Variants in ANP32B observed in about 807,000 individuals in gnomAD.
The protein encoded by ANP32B is acidic leucine-rich nuclear phosphoprotein 32 family member B.
Under a neutral mutation model 32.2 loss-of-function variants are expected in ANP32B, and 6 were observed. The observed-to-expected ratio is 0.19, with a 90% CI of 0.10 to 0.37. ANP32B has a LOEUF of 0.37. Among genes scored for constraint, ANP32B ranks in the 10% least tolerant of loss-of-function variants. ANP32B has a pLI of 1.00. For missense variants in ANP32B, 204 were observed against 289.2 expected (o/e 0.71, Z 2.14); for synonymous variants, 98 against 105.8 (o/e 0.93, Z 0.45).
intron 6 of ANP32B, among the ~76,000 whole-genome samples, chr9:98,013,409 C>A (rs1385553924): frequency 1.3e-5 from 2 of 152,022 alleles, no homozygotes; most frequent in African/African-American, 4.8e-5. Context: ...GGAGTTCTTT[C>A]ATTTTTTAAA....
At chr9:98,003,189 T>C (rs1437315071) in intron 3 of ANP32B, among the ~76,000 whole-genome samples, 2 of 152,178 alleles carry the variant, frequency 1.3e-5, no homozygotes, top group African/African-American at 4.8e-5. Flanking sequence ...TATAAGCACA[T>C]TGTTTGATCC....
chr9:97,987,276 C>T (rs894212439), intron 1 of ANP32B, among the ~76,000 whole-genome samples: 1 of 152,098 alleles, frequency 6.6e-6, no homozygotes, highest in African/African-American at 2.4e-5. Context: ...AAGTAATCTT[C>T]ATGAAGAATG....
At chr9:97,987,798 C>A (rs1170707459) in intron 1 of ANP32B, 1 of 152,184 alleles carries the variant, frequency 6.6e-6, no homozygotes, top group African/African-American at 2.4e-5. Context: ...TTGTCTTTAA[C>A]TTCCATCTTT....
intron 3 of ANP32B, among the ~76,000 whole-genome samples, chr9:98,004,365 G>A (rs573590049): frequency 2.6e-5 from 4 of 152,192 alleles, no homozygotes; most frequent in Admixed American, 1.3e-4. Context: ...CCGTATTTCC[G>A]AAGTTTCAAC....
At chr9:97,998,830 C>G in intron 3 of ANP32B, 152 bp downstream of exon 3, 1 of 150,700 alleles carries the variant, frequency 6.6e-6, no homozygotes, top group Non-Finnish European at 9.7e-6. Flanking sequence ...TTTTTTGAGA[C>G]GGAGTCTCGC....
intron 3 of ANP32B, among the ~76,000 whole-genome samples, chr9:97,999,260 C>A (rs1339319049): frequency 6.6e-6 from 1 of 152,110 alleles, no homozygotes; most frequent in Non-Finnish European, 1.5e-5. Context: ...TGTTTTGGAT[C>A]CACTTTTGAA....
intron 1 of ANP32B, among the ~76,000 whole-genome samples, chr9:97,990,733 C>T (rs1177037606): frequency 1.3e-5 from 2 of 151,444 alleles, no homozygotes; most frequent in Non-Finnish European, 2.9e-5. Context: ...AGCCATCTCT[C>T]TTGAAGGAGC....
Position 98,011,353 on chromosome 9 carries a change from AGAAGG to A in ANP32B, c.602_606del (p.Glu201GlyfsTer2). On this transcript the variant is annotated frameshift_variant, in exon 5 of 7. Transcript: ENST00000339399. LOFTEE classifies it high-confidence loss of function. The stretch of plus-strand genomic sequence containing the variant: ...AAGAAGATGATGAAGATGAAGATGT[AGAAGG>A]GGATGAGGACGACGATGAAGTCAGT... 6.4e-7 allele frequency: 1 copy of A among 1,561,538 alleles called. No individual in the cohort carries two copies. Among genetic ancestry groups the A allele is most frequent in the Non-Finnish European group, 8.7e-7 (1 of 1,148,368 alleles).
At chr9:97,985,086 C>T (rs1008256263) in intron 1 of ANP32B, among the ~76,000 whole-genome samples, 2 of 149,984 alleles carry the variant, frequency 1.3e-5, no homozygotes, top group Non-Finnish European at 3.0e-5. Flanking sequence ...CGCCGCGGAC[C>T]GGCGCGGGCC....
At chr9:98,014,838 C>T (rs545269189) in intron 6 of ANP32B, among the ~76,000 whole-genome samples, 19 of 152,312 alleles carry the variant, frequency 1.2e-4, no homozygotes, top group African/African-American at 3.8e-4. Flanking sequence ...CTGCAACCTC[C>T]GCCTTCCGGA....
chr9:97,983,700 C>T (rs142856859), intron 1 of ANP32B, 91 bp downstream of exon 1: 19,429 of 1,108,888 alleles, frequency 0.018, 206 homozygotes, highest in Non-Finnish European at 0.022. Flanking sequence ...GTTCGCCGGC[C>T]CCGGCGCGGG....
At chr9:97,994,874 G>A in intron 2 of ANP32B, 94 bp downstream of exon 2, 1 of 1,275,584 alleles carries the variant, frequency 7.8e-7, no homozygotes, top group Non-Finnish European at 1.1e-6. Flanking sequence ...GTAGCAGAAA[G>A]CACATGGCCT....
intron 3 of ANP32B, among the ~76,000 whole-genome samples, chr9:98,000,929 A>AT (rs1380882678): frequency 6.6e-6 from 1 of 151,758 alleles, no homozygotes; most frequent in African/African-American, 2.4e-5. Context: ...CTCAAAAAAA[A>AT]AAAAAAAAAA....
chr9:98,008,092 GC>G (rs1828118129), intron 4 of ANP32B, among the ~76,000 whole-genome samples: 1 of 151,992 alleles, frequency 6.6e-6, no homozygotes, highest in Non-Finnish European at 1.5e-5. Flanking sequence ...TAAGTATTAA[GC>G]CCACTGTCCA....
At position 98,011,323 on chromosome 9, in the gene ANP32B, T is replaced by C; in HGVS notation, c.570T>C (p.Phe190=). The change falls in exon 5 of 7, where the codon TTT becomes TTC. Residue 190 remains phenylalanine, a synonymous_variant. Coordinates refer to ENST00000339399, the MANE Select transcript of ANP32B (RefSeq NM_006401.3). ...ATGAGGATGGTGAAGAAGAGGAGTT[T>C]GATGAAGAAGATGATGAAGATGAAG... ...EDDEDGEEEE[F]DEEDDEDEDV... 1 of 1,550,046 alleles carries C rather than the reference T, an allele frequency of 6.5e-7. No individual in the cohort carries two copies.
At chr9:97,987,762 C>T (rs1274758012) in intron 1 of ANP32B, 3 of 152,142 alleles carry the variant, frequency 2.0e-5, no homozygotes, top group African/African-American at 7.2e-5. Flanking sequence ...TTTACGTAGT[C>T]CCAATTTACT....
rs1261480047 is a variant in ANP32B, at chr9:98,012,447, A to G, written c.663A>G (p.Glu221=). 6.2e-7 allele frequency: 1 copy of G among 1,611,428 alleles called. No individual in the cohort carries two copies. Among genetic ancestry groups the G allele is most frequent in the Non-Finnish European group, 8.5e-7 (1 of 1,178,496 alleles). Residue 221 remains glutamate, a synonymous_variant, in exon 6 of 7, where the codon GAA becomes GAG. Coordinates refer to ENST00000339399, the MANE Select transcript of ANP32B (RefSeq NM_006401.3). ...EEEEEFGLDE[E]DEDEDEDEEE... ...AAGAAGAATTTGGACTTGATGAAGA[A>G]GATGAAGATGAGGATGAGGATGAAG... is the stretch of plus-strand genomic sequence containing the variant.
chr9:97,988,299 T>G, intron 1 of ANP32B, among the ~76,000 whole-genome samples: 1 of 151,570 alleles, frequency 6.6e-6, no homozygotes, highest in East Asian at 1.9e-4. Context: ...TATAATGTGA[T>G]TTTTTTTTCC....
At chr9:98,014,912 C>T (rs549092629) in intron 6 of ANP32B, among the ~76,000 whole-genome samples, 1 of 152,184 alleles carries the variant, frequency 6.6e-6, no homozygotes, top group Non-Finnish European at 1.5e-5. Flanking sequence ...GCCACCATGC[C>T]TGGCTCATTT....
Sources: allele counts gnomAD v4.1 joint callset (sites outside exome capture counted in the v4.1 genomes callset), GRCh38; gene constraint gnomAD v4.1.1; transcripts MANE v1.5; gene names NCBI Gene and HGNC (gene_info 2026-07-23, HGNC 2026-07-21).